Variants in ZNF410 observed in about 807,000 individuals in gnomAD.
ZNF410 encodes zinc finger protein 410.
A neutral mutation model predicts 54.8 loss-of-function variants in ZNF410; 18 were observed. The observed-to-expected ratio is 0.33, with a 90% CI of 0.23 to 0.49. The LOEUF is 0.49. ZNF410 is among the 20% of genes least tolerant of loss of function. The pLI is 0.99. For missense variants in ZNF410, 405 were observed against 569.6 expected (o/e 0.71, Z 2.94); for synonymous variants, 191 against 207.3 (o/e 0.92, Z 0.68).
intron 3 of ZNF410, 134 bp downstream of exon 3, chr14:73,894,066 A>G: frequency 8.7e-7 from 1 of 1,154,216 alleles, no homozygotes; most frequent in East Asian, 2.4e-5. Context: ...CATGGAGAAA[A>G]AGCAACCATG....
Position 73,909,486 on chromosome 14 carries a change from G to C in ZNF410, c.1003+56G>C, listed in dbSNP as rs2055543041. 6 of 1,410,002 alleles carry C rather than the reference G, an allele frequency of 4.3e-6. No homozygotes were observed. The Admixed American group carries it at 1.1e-4, about 26-fold the overall frequency. 87.3% of individuals were successfully genotyped at this position (1,410,002 alleles called of 1,614,324 possible). A position where few individuals can be genotyped will look rare whatever the true frequency, so the allele number is the denominator to read the frequency against. ...AGGAAAAGTAGACAAAAGAATAAAAGGGTTGTGGGGGTGATATAAAGACAA... is the reference window on the plus strand; with the variant it reads ...AGGAAAAGTAGACAAAAGAATAAAACGGTTGTGGGGGTGATATAAAGACAA... On this transcript the variant is annotated intron_variant, in intron 8 of 11. Coordinates refer to ENST00000555044, the MANE Select transcript of ZNF410 (RefSeq NM_021188.3).
At chr14:73,905,117 T>C in intron 7 of ZNF410, 34 bp downstream of exon 7, 1 of 1,599,238 alleles carries the variant, frequency 6.3e-7, no homozygotes, top group African/African-American at 1.3e-5. Flanking sequence ...TTGGGCAGTC[T>C]GCTCCTTGGC....
At chr14:73,892,771 T>G (rs60197281) in intron 2 of ZNF410, among the ~76,000 whole-genome samples, 74,533 of 152,018 alleles carry the variant, frequency 0.49, 18,490 homozygotes, top group South Asian at 0.61. Context: ...TCTTCAATTT[T>G]ATTCCTCAGC....
intron 8 of ZNF410, chr14:73,913,034 C>G (rs1450895973): frequency 1.4e-5 from 2 of 146,818 alleles, no homozygotes; most frequent in East Asian, 4.0e-4. Flanking sequence ...TGTTCTCCCC[C>G]TCCTCCTACA....
intron 5 of ZNF410, 62 bp downstream of exon 5, chr14:73,898,324 G>C: frequency 2.6e-6 from 4 of 1,548,308 alleles, no homozygotes; most frequent in Non-Finnish European, 3.5e-6. Context: ...GTAATGCAGT[G>C]GCTGGTTTGA....
rs949999481 is a variant in ZNF410 at position 73,932,125 on chromosome 14, C to T, written c.*584C>T. 9 of 417,742 alleles carry T rather than the reference C, an allele frequency of 2.2e-5. No individual in the cohort carries two copies. The highest frequency in any genetic ancestry group is 4.5e-4 in the Middle Eastern group (1 of 2,222). The allele number at this position is 417,742 out of a possible 1,614,324, so 25.9% of individuals were successfully genotyped here. ...GGCCCAGGCTGAGGTACTATCTTGTCCTATACACTTCTACTTGGTCACTTT... is the reference window on the plus strand; with the variant it reads ...GGCCCAGGCTGAGGTACTATCTTGTTCTATACACTTCTACTTGGTCACTTT... On this transcript the variant is annotated 3_prime_UTR_variant, in exon 12 of 12. Coordinates refer to ENST00000555044, the MANE Select transcript of ZNF410 (RefSeq NM_021188.3).
intron 3 of ZNF410, chr14:73,894,477 A>G (rs1595385980): frequency 1.5e-6 from 1 of 684,878 alleles, no homozygotes; most frequent in South Asian, 1.5e-5. Flanking sequence ...GCTGGAGTGT[A>G]GTGACGCAAT....
At chr14:73,897,370 A>T (rs2055333292) in intron 4 of ZNF410, among the ~76,000 whole-genome samples, 1 of 152,200 alleles carries the variant, frequency 6.6e-6, no homozygotes, top group Admixed American at 6.5e-5. Context: ...TCTTTTTAAA[A>T]ATAAGGGTGA....
At position 73,931,559 on chromosome 14, in the gene ZNF410, T is replaced by C. The variant is rs758007403; in HGVS notation, c.*18T>C. ...GGACATGAGCGTGGGTGCTGACTCC[T>C]GGAAGAGCAACTCTATCTGATCTCA... On this transcript the variant is annotated 3_prime_UTR_variant, in exon 12 of 12. Transcript: ENST00000555044. The C allele has an allele frequency of 1.2e-6, 2 of 1,610,392 alleles. No individual in the cohort carries two copies. Among genetic ancestry groups the C allele is most frequent in the Admixed American group, 1.7e-5 (1 of 58,924 alleles).
At chr14:73,907,832 G>A (rs948780778) in intron 7 of ZNF410, among the ~76,000 whole-genome samples, 2 of 151,896 alleles carry the variant, frequency 1.3e-5, no homozygotes, top group African/African-American at 4.8e-5. Context: ...GACAGAGGAT[G>A]CAGTGAGTGG....
intron 11 of ZNF410, 33 bp downstream of exon 11, chr14:73,923,555 C>T: frequency 1.3e-6 from 2 of 1,596,988 alleles, no homozygotes; most frequent in Non-Finnish European, 8.5e-7. Flanking sequence ...GTTTCTGTGA[C>T]AATTCATGTG....
chr14:73,889,800 T>G (rs72723755), intron 1 of ZNF410, among the ~76,000 whole-genome samples: 8,521 of 93,482 alleles, frequency 0.091, 329 homozygotes, highest in Admixed American at 0.17. Flanking sequence ...GGTTAGTTTT[T>G]TTTTTTTTTT....
chr14:73,905,186 G>T, intron 7 of ZNF410, 103 bp downstream of exon 7: 1 of 1,264,964 alleles, frequency 7.9e-7, no homozygotes, highest in Non-Finnish European at 1.1e-6. Flanking sequence ...GAAGGTCTGG[G>T]GTTGTTGCTA....
chr14:73,898,424 G>A (rs1431336873), intron 5 of ZNF410, 162 bp downstream of exon 5: 1 of 830,006 alleles, frequency 1.2e-6, no homozygotes, highest in Non-Finnish European at 1.8e-6. Flanking sequence ...AAAATAACTT[G>A]GTCATGCCAG....
intron 11 of ZNF410, 40 bp from the exon 12 acceptor site, chr14:73,931,463 A>T: frequency 2.6e-6 from 4 of 1,564,712 alleles, no homozygotes; most frequent in Non-Finnish European, 3.5e-6. Flanking sequence ...TCTATAATTC[A>T]ACTGTAACCT....
In ZNF410 at chr14:73,905,092, A is replaced by G. The variant is rs1248365506; in HGVS notation, c.913+9A>G. On this transcript the variant is annotated intron_variant, in intron 7 of 11. Coordinates refer to ENST00000555044, the MANE Select transcript of ZNF410 (RefSeq NM_021188.3). Reference sequence around the variant, plus strand: ...CCGGCGCATCCACACAGGTGTGTGCAGCACCAACATTCCTTTGGGCAGTCT... The same window carrying G: ...CCGGCGCATCCACACAGGTGTGTGCGGCACCAACATTCCTTTGGGCAGTCT... The G allele has an allele frequency of 6.2e-7, 1 of 1,610,776 alleles. No individual in the cohort carries two copies. Among genetic ancestry groups the G allele is most frequent in the East Asian group, 2.2e-5 (1 of 44,860 alleles).
intron 11 of ZNF410, among the ~76,000 whole-genome samples, chr14:73,931,191 T>C (rs2055907855): frequency 6.6e-6 from 1 of 152,212 alleles, no homozygotes; most frequent in Admixed American, 6.5e-5. Flanking sequence ...CATTTCTGTT[T>C]TCCCTGTAAG....
At chr14:73,900,782 T>G (rs1297236241) in intron 5 of ZNF410, among the ~76,000 whole-genome samples, 3 of 152,252 alleles carry the variant, frequency 2.0e-5, no homozygotes, top group Non-Finnish European at 4.4e-5. Flanking sequence ...AGGATACCTT[T>G]GAATGCAGCC....
At chr14:73,919,886 GTTTTTTTTTTTTTTTT>G (rs1158550117) in intron 8 of ZNF410, among the ~76,000 whole-genome samples, 2 of 62,026 alleles carry the variant, frequency 3.2e-5, no homozygotes, top group African/African-American at 6.2e-5. Flanking sequence ...TATTGTATAG[GTTTTTTTTTTTTTTTT>G]TTTTTTTTTG....
Sources: gnomAD v4.1 joint callset for allele counts (sites outside exome capture counted in the v4.1 genomes callset) on GRCh38, gnomAD v4.1.1 for gene constraint, MANE v1.5 for transcripts, NCBI Gene and HGNC (gene_info 2026-07-23, HGNC 2026-07-21) for gene names.